Variants in AFG2A observed in about 807,000 individuals in gnomAD.
AFG2A encodes ATPase family gene 2 protein homolog A.
the AFG2A span, among the ~76,000 whole-genome samples, chr4:122,941,763 TG>T: frequency 6.6e-6 from 1 of 151,714 alleles, no homozygotes; most frequent in Admixed American, 6.6e-5. Flanking sequence ...TGATACTGGC[TG>T]TGGGTTTGTC....
chr4:123,270,860 C>T, the AFG2A span, among the ~76,000 whole-genome samples: 2 of 152,176 alleles, frequency 1.3e-5, no homozygotes, highest in African/African-American at 2.4e-5. Context: ...AGCCAGTGTA[C>T]ATACAGGTTA....
the AFG2A span, among the ~76,000 whole-genome samples, chr4:123,043,886 C>T: frequency 6.6e-6 from 1 of 152,186 alleles, no homozygotes; most frequent in African/African-American, 2.4e-5. Flanking sequence ...AAAACACTTG[C>T]AGTCAGCAGA....
the AFG2A span, among the ~76,000 whole-genome samples, chr4:123,238,591 A>G: frequency 2.0e-5 from 3 of 152,214 alleles, no homozygotes; most frequent in African/African-American, 7.2e-5. Flanking sequence ...TTGCTTAGGG[A>G]CCTGACTGTT....
chr4:123,099,531 G>GT, the AFG2A span, among the ~76,000 whole-genome samples: 191 of 145,368 alleles, frequency 1.3e-3, 1 homozygote, highest in Admixed American at 8.3e-3. Context: ...GAGCCACAGA[G>GT]TTTTTTTTTT....
At chr4:123,249,274 G>C in the AFG2A span, among the ~76,000 whole-genome samples, 1 of 152,180 alleles carries the variant, frequency 6.6e-6, no homozygotes, top group Non-Finnish European at 1.5e-5. Flanking sequence ...TGCGAAAACA[G>C]GGAGGCAGAA....
chr4:123,072,204 AG>A, the AFG2A span, among the ~76,000 whole-genome samples: 4 of 152,210 alleles, frequency 2.6e-5, no homozygotes, highest in African/African-American at 7.2e-5. Context: ...TTTACCTCAC[AG>A]CACTATTATT....
chr4:122,944,774 T>C, the AFG2A span, among the ~76,000 whole-genome samples: 1 of 152,090 alleles, frequency 6.6e-6, no homozygotes, highest in South Asian at 2.1e-4. Flanking sequence ...GTTTTATCTT[T>C]GTTTGGTCTT....
chr4:123,272,838 T>C, the AFG2A span, among the ~76,000 whole-genome samples: 1 of 152,260 alleles, frequency 6.6e-6, no homozygotes, highest in African/African-American at 2.4e-5. Context: ...ATTAGATTGG[T>C]AACTAGAGAG....
chr4:122,996,311 T>C, the AFG2A span, among the ~76,000 whole-genome samples: 2 of 152,188 alleles, frequency 1.3e-5, no homozygotes, highest in African/African-American at 4.8e-5. Context: ...CATAATTGTG[T>C]CTTGTGTACC....
At chr4:123,228,830 A>G in the AFG2A span, among the ~76,000 whole-genome samples, 8 of 152,016 alleles carry the variant, frequency 5.3e-5, no homozygotes, top group Non-Finnish European at 1.2e-4. Context: ...CTGGTAGAAC[A>G]TATACATAAC....
At chr4:123,070,625 T>C in the AFG2A span, among the ~76,000 whole-genome samples, 2 of 152,200 alleles carry the variant, frequency 1.3e-5, no homozygotes, top group Non-Finnish European at 2.9e-5. Context: ...GGCTCCACCT[T>C]CATGACCTAA....
the AFG2A span, among the ~76,000 whole-genome samples, chr4:123,055,611 C>T: frequency 6.6e-6 from 1 of 152,138 alleles, no homozygotes; most frequent in Non-Finnish European, 1.5e-5. Flanking sequence ...GTTACATCCT[C>T]GGAATTGGCT....
At chr4:123,277,073 G>A in the AFG2A span, among the ~76,000 whole-genome samples, 1 of 152,166 alleles carries the variant, frequency 6.6e-6, no homozygotes, top group Non-Finnish European at 1.5e-5. Flanking sequence ...ACTTTGGGCA[G>A]TATGGCCATT....
At chr4:123,028,113 A>G in the AFG2A span, 17 of 1,259,858 alleles carry the variant, frequency 1.3e-5, no homozygotes, top group East Asian at 2.8e-4. Context: ...TGTTAATGAT[A>G]TGTTTTTTAT....
the AFG2A span, among the ~76,000 whole-genome samples, chr4:123,268,775 C>CA: frequency 6.6e-6 from 1 of 151,966 alleles, no homozygotes; most frequent in Admixed American, 6.6e-5. Context: ...TGTGTTCCAC[C>CA]AAAAAAACAA....
At chr4:123,289,824 C>CT in the AFG2A span, among the ~76,000 whole-genome samples, 2 of 151,352 alleles carry the variant, frequency 1.3e-5, no homozygotes, top group South Asian at 4.2e-4. Context: ...ATTTGTATGT[C>CT]TTTTTTTGTG....
chr4:123,224,298 T>C, the AFG2A span, among the ~76,000 whole-genome samples: 2 of 152,178 alleles, frequency 1.3e-5, no homozygotes, highest in African/African-American at 4.8e-5. Context: ...GCCATGTTGG[T>C]GTGCTGCACC....
the AFG2A span, among the ~76,000 whole-genome samples, chr4:123,177,013 G>A: frequency 7.9e-4 from 120 of 152,240 alleles, no homozygotes; most frequent in Non-Finnish European, 1.1e-3. Flanking sequence ...GTGGGAACTT[G>A]ATTTAGCTTT....
the AFG2A span, among the ~76,000 whole-genome samples, chr4:123,007,565 TATA>T: frequency 6.0e-5 from 2 of 33,078 alleles, no homozygotes; most frequent in African/African-American, 2.2e-4. Flanking sequence ...TGTGTGTGTG[TATA>T]TGTGTGTGTG....
Sources: gnomAD v4.1 joint callset for allele counts (sites outside exome capture counted in the v4.1 genomes callset) on GRCh38, gnomAD v4.1.1 for gene constraint, MANE v1.5 for transcripts, NCBI Gene and HGNC (gene_info 2026-07-23, HGNC 2026-07-21) for gene names.